Variants in LRRC7 observed in about 807,000 individuals in gnomAD.
LRRC7 encodes the protein leucine rich repeat containing 7, also known as leucine-rich repeat-containing protein 7.
Under a neutral mutation model 175.7 loss-of-function variants are expected in LRRC7, and 23 were observed. The ratio of observed to expected loss-of-function variants is 0.13; its 90% CI spans 0.09 to 0.19. The LOEUF is 0.19. Ranked by LOEUF, LRRC7 falls within the 10% of genes least tolerant of loss-of-function variation. LRRC7 has a pLI of 1.00. For missense variants in LRRC7, 1,354 were observed against 1,904.7 expected (o/e 0.71, Z 5.38); for synonymous variants, 685 against 680.9 (o/e 1.01, Z -0.09).
chr1:69,697,605 G>A (rs2100683063), intron 2 of LRRC7, among the ~76,000 whole-genome samples: 1 of 152,318 alleles, frequency 6.6e-6, no homozygotes, highest in South Asian at 2.1e-4. Flanking sequence ...ATACACTAAT[G>A]ATAAAATTGT....
intron 7 of LRRC7, among the ~76,000 whole-genome samples, chr1:69,914,917 TG>T (rs1311804384): frequency 2.6e-5 from 4 of 152,164 alleles, no homozygotes; most frequent in Non-Finnish European, 1.5e-5. Context: ...TGCTGACTCC[TG>T]GCATAGAATA....
chr1:69,605,150 C>T (rs1323162534), intron 1 of LRRC7, among the ~76,000 whole-genome samples: 4 of 152,038 alleles, frequency 2.6e-5, no homozygotes, highest in Admixed American at 6.6e-5. Context: ...ATCATGGGGG[C>T]GGGTCTTTGC....
At chr1:69,927,987 C>T (rs948876452) in intron 7 of LRRC7, among the ~76,000 whole-genome samples, 1 of 152,032 alleles carries the variant, frequency 6.6e-6, no homozygotes, top group Non-Finnish European at 1.5e-5. Flanking sequence ...TGGGTTTTTG[C>T]TGTGGATATT....
At chr1:69,868,310 G>A (rs1570417982) in intron 7 of LRRC7, among the ~76,000 whole-genome samples, 1 of 152,146 alleles carries the variant, frequency 6.6e-6, no homozygotes, top group East Asian at 1.9e-4. Context: ...CTCACATTAG[G>A]GTTAAGAGTT....
chr1:70,040,596 C>T (rs756400014), intron 21 of LRRC7, among the ~76,000 whole-genome samples: 3 of 151,858 alleles, frequency 2.0e-5, no homozygotes, highest in South Asian at 2.1e-4. Context: ...CCGAGGCGGG[C>T]GGTCAGGAAC....
chr1:69,776,470 C>T (rs1340772), intron 3 of LRRC7, among the ~76,000 whole-genome samples: 82,555 of 151,836 alleles, frequency 0.54, 22,855 homozygotes, highest in East Asian at 0.76. Context: ...TTTTTTCTTC[C>T]AAAATGTATG....
chr1:70,007,599 G>T (rs547629827), intron 11 of LRRC7, among the ~76,000 whole-genome samples: 3 of 152,176 alleles, frequency 2.0e-5, no homozygotes, highest in Admixed American at 6.5e-5. Flanking sequence ...AACATATCAG[G>T]GTTAGTTTGA....
chr1:70,027,642 A>T (rs949187139), intron 17 of LRRC7, among the ~76,000 whole-genome samples: 6 of 152,134 alleles, frequency 3.9e-5, no homozygotes, highest in Non-Finnish European at 8.8e-5. Context: ...CTTTTGATAT[A>T]ACACACTAAC....
chr1:69,693,383 G>T (rs192493110), intron 2 of LRRC7, among the ~76,000 whole-genome samples: 23 of 152,280 alleles, frequency 1.5e-4, no homozygotes, highest in East Asian at 5.8e-4. Flanking sequence ...TGTATGTATA[G>T]AGAGAGATTT....
intron 7 of LRRC7, among the ~76,000 whole-genome samples, chr1:69,840,105 TA>T (rs1172461417): frequency 2.0e-5 from 3 of 152,046 alleles, no homozygotes; most frequent in African/African-American, 7.2e-5. Context: ...TTTTACACTT[TA>T]AGAAACATTT....
intron 2 of LRRC7, among the ~76,000 whole-genome samples, chr1:69,717,841 A>AG (rs754934916): frequency 0.083 from 1,602 of 19,254 alleles, 245 homozygotes; most frequent in African/African-American, 0.2. Flanking sequence ...AAAGAAAGAA[A>AG]AAAGAAAGAA....
intron 22 of LRRC7, among the ~76,000 whole-genome samples, chr1:70,048,203 G>C (rs968043712): frequency 6.6e-6 from 1 of 152,076 alleles, no homozygotes; most frequent in Admixed American, 6.6e-5. Flanking sequence ...ATTAATGGTA[G>C]AATGGATAGA....
chr1:70,107,915 T>C, intron 26 of LRRC7, 89 bp downstream of exon 26: 6 of 1,191,162 alleles, frequency 5.0e-6, no homozygotes, highest in South Asian at 1.3e-5. Context: ...AATTAAATGA[T>C]TGAAAATAAG....
intron 5 of LRRC7, 102 bp from the exon 6 acceptor site, chr1:69,834,678 A>G: frequency 3.3e-6 from 3 of 912,364 alleles, no homozygotes; most frequent in East Asian, 2.6e-5. Flanking sequence ...GAGTTGAAAA[A>G]TGTATTACAT....
chr1:69,668,217 A>G (rs1467532261), intron 1 of LRRC7, among the ~76,000 whole-genome samples: 1 of 152,100 alleles, frequency 6.6e-6, no homozygotes, highest in Non-Finnish European at 1.5e-5. Flanking sequence ...ACATAGGTAT[A>G]TATGTGCCAC....
intron 1 of LRRC7, among the ~76,000 whole-genome samples, chr1:69,600,800 C>CTTTTT (rs59212223): frequency 0.051 from 3,300 of 64,782 alleles, 1,080 homozygotes; most frequent in Non-Finnish European, 0.066. Context: ...TCTCTGGTTT[C>CTTTTT]TTTTTTTTTT....
intron 21 of LRRC7, among the ~76,000 whole-genome samples, chr1:70,040,543 G>A (rs529427224): frequency 1.3e-5 from 2 of 152,184 alleles, no homozygotes; most frequent in South Asian, 2.1e-4. Context: ...CACAATAGGC[G>A]AGGCATGGTG....
chr1:69,957,471 A>G (rs955660012), intron 8 of LRRC7, among the ~76,000 whole-genome samples: 5 of 151,902 alleles, frequency 3.3e-5, no homozygotes, highest in African/African-American at 1.2e-4. Context: ...ATTTGATGAA[A>G]TGCTCACTAT....
intron 7 of LRRC7, chr1:69,874,816 T>C (rs1461772514): frequency 6.6e-6 from 1 of 152,076 alleles, no homozygotes; most frequent in Non-Finnish European, 1.5e-5. Flanking sequence ...AATGCTGATT[T>C]TTCCATGAGT....
Sources: allele counts gnomAD v4.1 joint callset (sites outside exome capture counted in the v4.1 genomes callset), GRCh38; gene constraint gnomAD v4.1.1; transcripts MANE v1.5; gene names NCBI Gene and HGNC (gene_info 2026-07-23, HGNC 2026-07-21).